Variants in MSH3 observed in about 807,000 individuals in gnomAD.
The protein encoded by MSH3 is mutS homolog 3.
In MSH3, 106 loss-of-function variants were observed where a neutral mutation model predicts 123.3. The observed-to-expected ratio is 0.86, with a 90% CI of 0.73 to 1.01. The LOEUF is 1.01. MSH3 is among the 50% of genes least tolerant of loss of function. The pLI, the probability that MSH3 is intolerant of heterozygous loss-of-function variation, is 0.00. For synonymous variants in MSH3, 515 were observed against 481.4 expected (o/e 1.07, Z -0.91); for missense variants, 1,459 against 1,347.6 (o/e 1.08, Z -1.29).
At chr5:80,736,242 CT>C (rs1743504519) in intron 10 of MSH3, among the ~76,000 whole-genome samples, 2 of 149,984 alleles carry the variant, frequency 1.3e-5, no homozygotes, top group Non-Finnish European at 3.0e-5. Context: ...ACCCACCCCC[CT>C]AAAAAAGAAA....
At chr5:80,730,081 A>G (rs1199882479) in intron 10 of MSH3, among the ~76,000 whole-genome samples, 1 of 152,180 alleles carries the variant, frequency 6.6e-6, no homozygotes, top group Non-Finnish European at 1.5e-5. Context: ...ACTAGAACAG[A>G]GTATCATTTC....
At chr5:80,705,712 G>A (rs1243259081) in intron 8 of MSH3, among the ~76,000 whole-genome samples, 1 of 152,128 alleles carries the variant, frequency 6.6e-6, no homozygotes, top group Non-Finnish European at 1.5e-5. Flanking sequence ...GTGAAGGAAG[G>A]ATCTGTTCCA....
At chr5:80,749,034 T>TA (rs897303113) in intron 12 of MSH3, among the ~76,000 whole-genome samples, 7 of 152,180 alleles carry the variant, frequency 4.6e-5, no homozygotes, top group African/African-American at 1.7e-4. Context: ...ATTTTTTAAT[T>TA]AAAAAAATTT....
intron 12 of MSH3, 60 bp downstream of exon 12, chr5:80,744,675 C>T (rs752545495): frequency 1.3e-5 from 15 of 1,195,792 alleles, no homozygotes; most frequent in Non-Finnish European, 1.6e-5. Flanking sequence ...AAATTAAAGG[C>T]ATTTTAAAAC....
chr5:80,786,431 T>A (rs1744510466), intron 17 of MSH3, among the ~76,000 whole-genome samples: 1 of 152,214 alleles, frequency 6.6e-6, no homozygotes, highest in African/African-American at 2.4e-5. Flanking sequence ...GATTAGTAAA[T>A]GTTTGTTTTC....
intron 20 of MSH3, among the ~76,000 whole-genome samples, chr5:80,817,032 G>T (rs1173223679): frequency 3.9e-5 from 6 of 152,172 alleles, no homozygotes; most frequent in African/African-American, 1.4e-4. Flanking sequence ...ACGTGATTGG[G>T]TGTGGATGAG....
chr5:80,786,072 G>A (rs1006121859), intron 17 of MSH3, among the ~76,000 whole-genome samples: 11 of 151,924 alleles, frequency 7.2e-5, no homozygotes, highest in Non-Finnish European at 1.5e-5. Flanking sequence ...CAGCACACCA[G>A]CATGGCACAT....
intron 8 of MSH3, 54 bp from the exon 9 acceptor site, chr5:80,725,399 A>G: frequency 8.3e-7 from 1 of 1,206,084 alleles, no homozygotes; most frequent in Non-Finnish European, 1.2e-6. Context: ...CCTAAATACC[A>G]GCATTTCATG....
intron 20 of MSH3, among the ~76,000 whole-genome samples, chr5:80,853,382 A>C (rs1342224011): frequency 6.6e-6 from 1 of 152,032 alleles, no homozygotes; most frequent in African/African-American, 2.4e-5. Context: ...GGCTGAGGCT[A>C]TAGAATCACT....
chr5:80,718,825 C>A (rs1417518425), intron 8 of MSH3, among the ~76,000 whole-genome samples: 1 of 152,098 alleles, frequency 6.6e-6, no homozygotes, highest in Non-Finnish European at 1.5e-5. Context: ...ATTTTGGCTT[C>A]ATTGCAGTTG....
intron 8 of MSH3, among the ~76,000 whole-genome samples, chr5:80,710,642 A>T (rs1248543183): frequency 1.3e-5 from 2 of 152,182 alleles, no homozygotes; most frequent in Non-Finnish European, 2.9e-5. Context: ...GTGAGCCTTG[A>T]CCTGCTTGTT....
intron 11 of MSH3, 102 bp downstream of exon 11, chr5:80,741,650 CTT>C: frequency 1.3e-6 from 1 of 793,540 alleles, no homozygotes; most frequent in Non-Finnish European, 2.3e-6. Flanking sequence ...AATATAGTGT[CTT>C]TAGCTGACTG....
At chr5:80,785,918 A>G (rs551903867) in intron 17 of MSH3, among the ~76,000 whole-genome samples, 267 of 150,368 alleles carry the variant, frequency 1.8e-3, no homozygotes, top group Non-Finnish European at 2.9e-3. Flanking sequence ...ACATGTTCTT[A>G]CTCACAGGTG....
At chr5:80,688,567 G>A (rs905721410) in intron 8 of MSH3, among the ~76,000 whole-genome samples, 1 of 152,024 alleles carries the variant, frequency 6.6e-6, no homozygotes, top group Non-Finnish European at 1.5e-5. Context: ...ATTGTACTTT[G>A]ACTTTCAAGT....
At chr5:80,848,256 T>A (rs1745760421) in intron 20 of MSH3, among the ~76,000 whole-genome samples, 1 of 152,124 alleles carries the variant, frequency 6.6e-6, no homozygotes, top group Non-Finnish European at 1.5e-5. Flanking sequence ...AATAAAAGCT[T>A]GGTCCTATAC....
At chr5:80,872,922 A>C (rs1340226380) in intron 22 of MSH3, among the ~76,000 whole-genome samples, 194 bp from the exon 23 acceptor site, 1 of 152,238 alleles carries the variant, frequency 6.6e-6, no homozygotes, top group African/African-American at 2.4e-5. Flanking sequence ...TCCTATATGC[A>C]CACAGCAGTT....
At chr5:80,723,138 T>C (rs1751122408) in intron 8 of MSH3, among the ~76,000 whole-genome samples, 1 of 142,326 alleles carries the variant, frequency 7.0e-6, no homozygotes, top group Non-Finnish European at 1.6e-5. Context: ...AATAAAGTAA[T>C]CCCAGTAAGT....
chr5:80,713,747 T>C (rs528011935), intron 8 of MSH3, among the ~76,000 whole-genome samples: 1 of 152,238 alleles, frequency 6.6e-6, no homozygotes, highest in African/African-American at 2.4e-5. Context: ...CATCCATTTT[T>C]ACTCCAGTCC....
chr5:80,858,484 G>A (rs1314482056), intron 21 of MSH3, among the ~76,000 whole-genome samples: 1 of 152,090 alleles, frequency 6.6e-6, no homozygotes, highest in Non-Finnish European at 1.5e-5. Flanking sequence ...TTTTAAGAAT[G>A]TGTTGTTTAG....
Sources: allele counts gnomAD v4.1 joint callset (sites outside exome capture counted in the v4.1 genomes callset), GRCh38; gene constraint gnomAD v4.1.1; transcripts MANE v1.5; gene names NCBI Gene and HGNC (gene_info 2026-07-23, HGNC 2026-07-21).